MYZAP: variants seen among roughly 807,000 people sequenced by gnomAD.
MYZAP encodes the protein GRINL1A complex locus upstream.
MYZAP carries 66 observed loss-of-function variants against 69.4 expected under a neutral mutation model. That is an observed-to-expected ratio of 0.95 (90% CI 0.78 to 1.17). The LOEUF (loss-of-function observed/expected upper bound fraction) is 1.17. Among genes scored for constraint, MYZAP ranks in the 50% most tolerant of loss-of-function variants. The probability of loss-of-function intolerance (pLI) is 0.00; values close to 1 mark genes in which losing one functional copy is unlikely to be tolerated. For missense variants in MYZAP, 611 were observed against 556.2 expected (o/e 1.10, Z -0.99); for synonymous variants, 256 against 205.9 (o/e 1.24, Z -2.09).
At chr15:57,664,864 C>T (rs2038490804) in intron 11 of MYZAP, among the ~76,000 whole-genome samples, 1 of 152,116 alleles carries the variant, frequency 6.6e-6, no homozygotes, top group Non-Finnish European at 1.5e-5. Flanking sequence ...CCTTAGTTGG[C>T]TTATTGGTAA....
chr15:57,647,946 T>A (rs2554026), intron 10 of MYZAP: 317,342 of 985,066 alleles, frequency 0.32, 52,576 homozygotes, highest in Non-Finnish European at 0.34. Context: ...CCGCCACCGC[T>A]TTCCTCCCTT....
intron 10 of MYZAP, among the ~76,000 whole-genome samples, chr15:57,642,643 G>GT (rs1394981140): frequency 6.6e-6 from 1 of 152,094 alleles, no homozygotes; most frequent in Non-Finnish European, 1.5e-5. Flanking sequence ...AGGAAACTTA[G>GT]TTTTTTTAAA....
rs765388136 is a variant in MYZAP, at chr15:57,661,457, C to CA, written c.1128dup (p.Leu377IlefsTer27). Reference sequence around the variant, plus strand: ...CCATCCCTTTCTTTCTAGATTGAATCATTAAAGAAAAAGTTGCAACAGAAA... The same window carrying CA: ...CCATCCCTTTCTTTCTAGATTGAATCAATTAAAGAAAAAGTTGCAACAGAAA... On this transcript the variant is annotated frameshift_variant, in exon 11 of 13. Coordinates refer to ENST00000267853, the MANE Select transcript of MYZAP (RefSeq NM_001018100.5). LOFTEE classifies it high-confidence loss of function. The CA allele has an allele frequency of 4.4e-5, 70 of 1,606,914 alleles. No homozygotes were observed. The highest frequency in any genetic ancestry group is 6.7e-5 in the African/African-American group (5 of 74,748).
chr15:57,625,948 C>A, intron 5 of MYZAP, 56 bp downstream of exon 5: 1 of 1,502,752 alleles, frequency 6.7e-7, no homozygotes, highest in Non-Finnish European at 9.2e-7. Flanking sequence ...AGAGTGGGGA[C>A]TGTGCCTTTG....
At chr15:57,604,397 C>T (rs766525527) in intron 2 of MYZAP, 42 bp downstream of exon 2, 2 of 1,609,944 alleles carry the variant, frequency 1.2e-6, no homozygotes, top group East Asian at 4.5e-5. Flanking sequence ...GTTCCAGCCT[C>T]TATACCCTTA....
At chr15:57,647,719 C>A in intron 10 of MYZAP, 1 of 985,376 alleles carries the variant, frequency 1.0e-6, no homozygotes, top group Non-Finnish European at 1.2e-6. Flanking sequence ...AAGTGGATGC[C>A]CTCCACACCT....
At chr15:57,623,475 A>G (rs967443863) in intron 4 of MYZAP, among the ~76,000 whole-genome samples, 3 of 152,154 alleles carry the variant, frequency 2.0e-5, no homozygotes, top group African/African-American at 7.2e-5. Context: ...GCTCACGCTT[A>G]TGATCACAGC....
intron 2 of MYZAP, among the ~76,000 whole-genome samples, chr15:57,612,327 G>T (rs2035158736): frequency 6.6e-6 from 1 of 152,180 alleles, no homozygotes; most frequent in South Asian, 2.1e-4. Context: ...TGGTGGGGCG[G>T]GGGACTGGCT....
At chr15:57,606,949 A>G (rs2034791664) in intron 2 of MYZAP, among the ~76,000 whole-genome samples, 1 of 152,226 alleles carries the variant, frequency 6.6e-6, no homozygotes, top group African/African-American at 2.4e-5. Flanking sequence ...GTCAGGCTTC[A>G]GCTGCTACAC....
At chr15:57,664,054 C>T (rs1449873623) in intron 11 of MYZAP, among the ~76,000 whole-genome samples, 1 of 147,476 alleles carries the variant, frequency 6.8e-6, no homozygotes, top group Non-Finnish European at 1.5e-5. Flanking sequence ...TTTATTTTGT[C>T]ATTGTTTCTG....
intron 11 of MYZAP, among the ~76,000 whole-genome samples, chr15:57,668,890 A>ATT (rs1315272391): frequency 9.0e-6 from 1 of 111,704 alleles, no homozygotes; most frequent in African/African-American, 4.8e-5. Context: ...ATATATATAT[A>ATT]TATATTTTTT....
chr15:57,606,823 T>G (rs527963566), intron 2 of MYZAP, among the ~76,000 whole-genome samples: 1 of 152,352 alleles, frequency 6.6e-6, no homozygotes, highest in African/African-American at 2.4e-5. Context: ...TTAATTTTCT[T>G]GTGATGATGG....
intron 12 of MYZAP, among the ~76,000 whole-genome samples, chr15:57,677,857 A>G (rs1246539795): frequency 3.3e-5 from 5 of 152,142 alleles, no homozygotes; most frequent in African/African-American, 1.2e-4. Context: ...AATGAAGAGG[A>G]TAATATCAAA....
chr15:57,610,360 C>T (rs964163226), intron 2 of MYZAP, among the ~76,000 whole-genome samples: 3 of 152,212 alleles, frequency 2.0e-5, no homozygotes, highest in African/African-American at 4.8e-5. Context: ...GCTGAGTTCT[C>T]GTCCTTGGCG....
At chr15:57,678,800 A>G (rs954056088) in intron 12 of MYZAP, among the ~76,000 whole-genome samples, 16 of 151,924 alleles carry the variant, frequency 1.1e-4, no homozygotes, top group African/African-American at 3.6e-4. Flanking sequence ...CATCTGTACA[A>G]CTGCAAGTGT....
chr15:57,608,934 A>T (rs1176080143), intron 2 of MYZAP, among the ~76,000 whole-genome samples: 2 of 152,192 alleles, frequency 1.3e-5, no homozygotes, highest in Non-Finnish European at 2.9e-5. Flanking sequence ...TTGAAGGCTC[A>T]GCTAAAGGCC....
At chr15:57,638,573 G>A (rs1327404629) in intron 9 of MYZAP, among the ~76,000 whole-genome samples, 2 of 152,186 alleles carry the variant, frequency 1.3e-5, no homozygotes, top group African/African-American at 4.8e-5. Context: ...GCAGAGATGG[G>A]GCACGGGAAC....
chr15:57,615,599 G>A (rs1405725033), intron 2 of MYZAP, among the ~76,000 whole-genome samples: 2 of 152,200 alleles, frequency 1.3e-5, no homozygotes, highest in Non-Finnish European at 2.9e-5. Context: ...TTTAGGAACT[G>A]GGTGGAGTCT....
intron 11 of MYZAP, among the ~76,000 whole-genome samples, chr15:57,670,712 A>G (rs1178253787): frequency 1.3e-5 from 2 of 151,422 alleles, no homozygotes; most frequent in Non-Finnish European, 1.5e-5. Flanking sequence ...GATTATTTCA[A>G]TTTTTTAAAA....
Sources: gnomAD v4.1 joint callset for allele counts (sites outside exome capture counted in the v4.1 genomes callset) on GRCh38, gnomAD v4.1.1 for gene constraint, MANE v1.5 for transcripts, NCBI Gene and HGNC (gene_info 2026-07-23, HGNC 2026-07-21) for gene names.